MTUS1: variants seen among roughly 807,000 people sequenced by gnomAD.
The protein encoded by MTUS1 is microtubule-associated tumor suppressor 1.
A neutral mutation model predicts 120.8 loss-of-function variants in MTUS1; 109 were observed. The observed-to-expected ratio is 0.90, with a 90% CI of 0.77 to 1.06. The LOEUF (loss-of-function observed/expected upper bound fraction) is 1.06, where lower values mean the gene tolerates loss of function less well. Ranked by LOEUF, MTUS1 falls within the 50% of genes least tolerant of loss-of-function variation. The pLI, the probability that MTUS1 is intolerant of heterozygous loss-of-function variation, is 0.00. For missense variants in MTUS1, 2,210 were observed against 1,486.3 expected (o/e 1.49, Z -8.01); for synonymous variants, 737 against 550.5 (o/e 1.34, Z -4.74).
chr8:17,659,876 C>T (rs1053930827), intron 8 of MTUS1, among the ~76,000 whole-genome samples: 6 of 152,136 alleles, frequency 3.9e-5, no homozygotes, highest in African/African-American at 1.4e-4. Flanking sequence ...ACAGTAACAA[C>T]CCATCCCCTC....
chr8:17,706,422 T>C (rs4437697), intron 6 of MTUS1, among the ~76,000 whole-genome samples: 79,128 of 151,982 alleles, frequency 0.52, 21,331 homozygotes, highest in East Asian at 0.74. Flanking sequence ...TCCTCCTGCT[T>C]TTCTACATTG....
intron 8 of MTUS1, 109 bp downstream of exon 8, chr8:17,675,077 C>G (rs1812805599): frequency 6.4e-7 from 1 of 1,558,598 alleles, no homozygotes; most frequent in Admixed American, 1.8e-5. Flanking sequence ...ACAGGGAGTG[C>G]CAACAGCTCC....
chr8:17,686,892 C>G (rs1190114959), intron 6 of MTUS1, among the ~76,000 whole-genome samples: 1 of 152,004 alleles, frequency 6.6e-6, no homozygotes, highest in Non-Finnish European at 1.5e-5. Flanking sequence ...AATATATTAC[C>G]TATTCAAAAG....
intron 6 of MTUS1, among the ~76,000 whole-genome samples, chr8:17,701,075 T>A (rs375985061): frequency 4.6e-5 from 7 of 152,324 alleles, no homozygotes; most frequent in South Asian, 2.1e-4. Context: ...TTAATGATCA[T>A]AAAGAATGAG....
rs1308071908 is a variant in MTUS1 at position 17,648,525 on chromosome 8, C to A, written c.3501+1321G>T. Among the ~76,000 whole-genome samples, 4 of 152,304 alleles carry A rather than the reference C, an allele frequency of 2.6e-5. 1 individual carries two copies. Among genetic ancestry groups the A allele is most frequent in the East Asian group, 1.9e-4 (1 of 5,192 alleles). ...CAGATTAGAAGATACCAGACTCAGT[C>A]GAACAGGACGACCTTTGGCAGGAAC... On this transcript the variant is annotated intron_variant, in intron 13 of 14. Coordinates refer to ENST00000693296, the MANE Select transcript of MTUS1 (RefSeq NM_001363059.2).
At chr8:17,796,094 C>T (rs1027682659) in intron 1 of MTUS1, among the ~76,000 whole-genome samples, 28 of 151,994 alleles carry the variant, frequency 1.8e-4, no homozygotes, top group African/African-American at 5.3e-4. Context: ...GGATTACAGG[C>T]GCCCACCACC....
Position 17,654,576 on chromosome 8 carries a change from C to T in MTUS1, c.3199G>A (p.Glu1067Lys). 5.6e-6 allele frequency: 9 copies of T among 1,611,784 alleles called. No individual in the cohort carries two copies. Among genetic ancestry groups the T allele is most frequent in the Non-Finnish European group, 6.8e-6 (8 of 1,177,820 alleles). The change falls in exon 10 of 15, where the codon GAA (glutamate) becomes AAA (lysine). Residue 1067 changes from glutamate to lysine, a missense_variant. Glu to Lys is a moderately conservative substitution (Grantham distance 56, BLOSUM62 1). Transcript: ENST00000693296. The part of the protein sequence containing the change: ...EKLELLKKAY[E>K]ASLSEIKKGH... ...GCATCCTTGCCTGAAAGGGAGGCTTCATAGGCCTTCTTTAGCAATTCAAGT... is the reference window on the plus strand; with the variant it reads ...GCATCCTTGCCTGAAAGGGAGGCTTTATAGGCCTTCTTTAGCAATTCAAGT...
intron 1 of MTUS1, among the ~76,000 whole-genome samples, chr8:17,794,184 CG>C (rs1386466093): frequency 6.6e-6 from 1 of 151,910 alleles, no homozygotes; most frequent in Non-Finnish European, 1.5e-5. Flanking sequence ...AAAATGAAGA[CG>C]GGCGTGGTGG....
rs758326104 is a variant in MTUS1 at position 17,723,773 on chromosome 8, G to T, written c.2348C>A (p.Pro783His). 1 of 1,610,176 alleles carries T rather than the reference G, an allele frequency of 6.2e-7. No homozygotes were observed. The highest frequency in any genetic ancestry group is 1.1e-5 in the South Asian group (1 of 90,904). ...ACTTTTCAAAGATGCTTTGGATTTA[G>T]GAAGTGGTCTAGGCAAATTCACCCA... ...SSWVNLPRPL[P>H]KSKASLKSPA... is the part of the protein sequence containing the mutation. Residue 783 changes from proline to histidine, a missense_variant, in exon 4 of 15, where the codon CCT becomes CAT. Physicochemically the swap from Pro to His is moderately conservative, Grantham distance 77. Transcript: ENST00000693296.
chr8:17,668,052 G>A (rs749854578), intron 8 of MTUS1, among the ~76,000 whole-genome samples: 14 of 152,198 alleles, frequency 9.2e-5, no homozygotes, highest in Non-Finnish European at 1.9e-4. Flanking sequence ...AAAGATGAGA[G>A]TTAGCTGTTA....
At chr8:17,685,315 T>C (rs1815538953) in intron 6 of MTUS1, among the ~76,000 whole-genome samples, 1 of 152,204 alleles carries the variant, frequency 6.6e-6, no homozygotes, top group Admixed American at 6.5e-5. Flanking sequence ...GGTATTACTC[T>C]GTTTTAAATA....
chr8:17,675,402 C>G (rs1812894992), intron 7 of MTUS1, 150 bp from the exon 8 acceptor site: 1 of 622,022 alleles, frequency 1.6e-6, no homozygotes, highest in African/African-American at 1.9e-5. Flanking sequence ...TTAAAAGAAA[C>G]ACAGTTGTCC....
intron 6 of MTUS1, chr8:17,692,019 T>G (rs765477752): frequency 1.3e-5 from 2 of 152,162 alleles, no homozygotes; most frequent in Non-Finnish European, 2.9e-5. Context: ...TACACACAGG[T>G]AATCAATGCC....
In MTUS1 at chr8:17,654,542, G is replaced by A; in HGVS notation, c.3214+19C>T. 1 of 1,472,268 alleles carries A rather than the reference G, an allele frequency of 6.8e-7. No homozygotes were observed. Among genetic ancestry groups the A allele is most frequent in the Non-Finnish European group, 9.5e-7 (1 of 1,051,188 alleles). The allele number at this position is 1,472,268 out of a possible 1,614,324, so 91.2% of individuals were successfully genotyped here. A position where few individuals can be genotyped will look rare whatever the true frequency, so the allele number is the denominator to read the frequency against. ...CTTCAGATTTTATTCTGTTTAAAGA[G>A]GAAAAAAAGCATCCTTGCCTGAAAG... On this transcript the variant is annotated intron_variant, in intron 10 of 14. Transcript: ENST00000693296.
chr8:17,755,040 A>G lies in MTUS1; in HGVS notation c.768T>C (p.Phe256=). The change falls in exon 2 of 15, where the codon TTT becomes TTC. Residue 256 remains phenylalanine, a synonymous_variant. Transcript: ENST00000693296. The part of the protein sequence containing the change: ...FSDVVMQSEV[F]VSDIGNQCAC... ...CACACTGATTTCCAATATCTGAAAC[A>G]AAAACCTCACTTTGCATCACCACAT... 3 of 1,613,876 alleles carry G rather than the reference A, an allele frequency of 1.9e-6. No homozygotes were observed. The highest frequency in any genetic ancestry group is 2.5e-6 in the Non-Finnish European group (3 of 1,180,000).
At chr8:17,650,444 T>C (rs746357696) in intron 12 of MTUS1, among the ~76,000 whole-genome samples, 7 of 152,202 alleles carry the variant, frequency 4.6e-5, no homozygotes, top group Non-Finnish European at 8.8e-5. Context: ...TGGGGCTACG[T>C]TGACTGGGCC....
At chr8:17,731,736 C>T (rs545594575) in intron 3 of MTUS1, among the ~76,000 whole-genome samples, 1 of 152,090 alleles carries the variant, frequency 6.6e-6, no homozygotes, top group Non-Finnish European at 1.5e-5. Context: ...AAAAAAAATC[C>T]TATGCCCCCA....
At chr8:17,678,715 G>A (rs1206026696) in intron 7 of MTUS1, among the ~76,000 whole-genome samples, 1 of 144,054 alleles carries the variant, frequency 6.9e-6, no homozygotes, top group Non-Finnish European at 1.5e-5. Flanking sequence ...ATTCACCTTT[G>A]TTCAGGTGCT....
At chr8:17,800,212 A>C (rs1046967703) in intron 1 of MTUS1, among the ~76,000 whole-genome samples, 3 of 152,040 alleles carry the variant, frequency 2.0e-5, no homozygotes, top group Non-Finnish European at 2.9e-5. Flanking sequence ...CTTCCTCCTG[A>C]AATTCACTGG....
Sources: allele counts gnomAD v4.1 joint callset (sites outside exome capture counted in the v4.1 genomes callset), GRCh38; gene constraint gnomAD v4.1.1; transcripts MANE v1.5; gene names NCBI Gene and HGNC (gene_info 2026-07-23, HGNC 2026-07-21).